The following EIF4E variants were observed in gnomAD, a reference collection of about 807,000 sequenced individuals.
The protein encoded by EIF4E is eukaryotic translation initiation factor 4E.
For synonymous variants in EIF4E, 71 were observed against 88.5 expected (o/e 0.80, Z 1.11); for missense variants, 113 against 265.6 (o/e 0.43, Z 3.99).
At chr4:98,895,645 G>T (rs908399125) in intron 2 of EIF4E, 3 of 152,158 alleles carry the variant, frequency 2.0e-5, no homozygotes, top group Admixed American at 6.5e-5. Context: ...TAAAAAAGAA[G>T]AAGAAAAGGC....
At chr4:98,907,839 A>G (rs1724941832) in intron 1 of EIF4E, among the ~76,000 whole-genome samples, 1 of 152,182 alleles carries the variant, frequency 6.6e-6, no homozygotes, top group African/African-American at 2.4e-5. Context: ...TTTCATCAAC[A>G]ATCCAAGAGT....
At chr4:98,896,685 A>G (rs1368149247) in intron 2 of EIF4E, among the ~76,000 whole-genome samples, 1 of 147,250 alleles carries the variant, frequency 6.8e-6, no homozygotes, top group East Asian at 2.0e-4. Flanking sequence ...AAAAAAAAAA[A>G]AAAAAAAAAA....
intron 2 of EIF4E, among the ~76,000 whole-genome samples, chr4:98,898,522 C>T (rs527674162): frequency 4.0e-5 from 6 of 151,462 alleles, no homozygotes; most frequent in Non-Finnish European, 5.9e-5. Context: ...GCAGAAGAAT[C>T]GCTTGAACCC....
intron 2 of EIF4E, among the ~76,000 whole-genome samples, chr4:98,891,777 T>C (rs1435852637): frequency 2.6e-5 from 4 of 152,210 alleles, no homozygotes; most frequent in African/African-American, 7.2e-5. Context: ...CACTTAAAAA[T>C]AGTTAATACT....
intron 1 of EIF4E, among the ~76,000 whole-genome samples, chr4:98,923,628 A>G (rs1725742747): frequency 6.6e-6 from 1 of 152,084 alleles, no homozygotes; most frequent in Non-Finnish European, 1.5e-5. Flanking sequence ...TTTTCTGGAG[A>G]CATGATTAGG....
In EIF4E at chr4:98,897,482, A is replaced by C. The variant is rs138932678; in HGVS notation, c.125+4394T>G. Among the ~76,000 whole-genome samples the C allele has an allele frequency of 4.1e-3, 624 of 152,132 alleles. 4 individuals are homozygous for C. The highest frequency in any genetic ancestry group is 0.014 in the African/African-American group (595 of 41,424). ...GCTACTTGGGAGGCAGACGCATGAG[A>C]ATGAACCCAGGAGGCGGAGGTTGCA... On this transcript the variant is annotated intron_variant, in intron 2 of 6. Transcript: ENST00000450253.
At chr4:98,896,312 C>A (rs1162489806) in intron 2 of EIF4E, among the ~76,000 whole-genome samples, 1 of 151,672 alleles carries the variant, frequency 6.6e-6, no homozygotes, top group East Asian at 1.9e-4. Context: ...TTCGAGGTTG[C>A]AGTGAGCTAT....
intron 2 of EIF4E, among the ~76,000 whole-genome samples, chr4:98,899,022 C>A: frequency 6.6e-6 from 1 of 150,494 alleles, no homozygotes. Context: ...TGAGGAAAAG[C>A]AGTATTTGCC....
At position 98,920,231 on chromosome 4, in the gene EIF4E, T is replaced by C. The variant is rs573418700; in HGVS notation, c.18+8864A>G. Among the ~76,000 whole-genome samples the C allele has an allele frequency of 3.9e-3, 600 of 152,348 alleles. 4 individuals are homozygous for C. Among genetic ancestry groups the C allele is most frequent in the South Asian group, 0.013 (62 of 4,830 alleles). ...ATGACTCATGCTAATTCAATCCTTG[T>C]TGTACTTCAGTATAAATTGGTTTCC... On this transcript the variant is annotated intron_variant, in intron 1 of 6. Coordinates refer to ENST00000450253, the MANE Select transcript of EIF4E (RefSeq NM_001968.5).
At chr4:98,928,608 G>A (rs1297302840) in intron 1 of EIF4E, among the ~76,000 whole-genome samples, 3 of 152,026 alleles carry the variant, frequency 2.0e-5, no homozygotes, top group African/African-American at 7.2e-5. Context: ...AGGAAGACGT[G>A]CGCGCGCCCC....
At chr4:98,920,855 A>C (rs548693675) in intron 1 of EIF4E, among the ~76,000 whole-genome samples, 2 of 152,296 alleles carry the variant, frequency 1.3e-5, no homozygotes, top group South Asian at 2.1e-4. Context: ...AGAATTTTAC[A>C]CTTATTTGTG....
chr4:98,909,351 T>G (rs1269844290), intron 1 of EIF4E, among the ~76,000 whole-genome samples: 1 of 152,370 alleles, frequency 6.6e-6, no homozygotes, highest in Admixed American at 6.5e-5. Context: ...TTCTGTTCCT[T>G]GTAGTATCTA....
At chr4:98,910,814 C>A (rs568629423) in intron 1 of EIF4E, among the ~76,000 whole-genome samples, 9 of 151,986 alleles carry the variant, frequency 5.9e-5, no homozygotes, top group Non-Finnish European at 8.8e-5. Context: ...ACTGCAACCT[C>A]CACCTCCTGG....
chr4:98,894,749 C>T (rs1342660810), intron 2 of EIF4E, among the ~76,000 whole-genome samples: 1 of 152,192 alleles, frequency 6.6e-6, no homozygotes, highest in Non-Finnish European at 1.5e-5. Context: ...GGAGGACTTT[C>T]GATCTCCTTC....
At chr4:98,919,023 A>G (rs553485796) in intron 1 of EIF4E, among the ~76,000 whole-genome samples, 1 of 152,236 alleles carries the variant, frequency 6.6e-6, no homozygotes, top group South Asian at 2.1e-4. Context: ...AAAACTAGTA[A>G]AAAGCCTGGG....
chr4:98,921,558 T>C (rs944968136), intron 1 of EIF4E, among the ~76,000 whole-genome samples: 2 of 151,988 alleles, frequency 1.3e-5, no homozygotes, highest in African/African-American at 4.8e-5. Flanking sequence ...TAGTAGAGAT[T>C]ACAATGACAG....
In EIF4E at chr4:98,909,943, C is replaced by A. The variant is rs143817795; in HGVS notation, c.19-7961G>T. 1,805 of 528,096 alleles carry A rather than the reference C, an allele frequency of 3.4e-3. 31 individuals are homozygous for A. Among genetic ancestry groups the A allele is most frequent in the African/African-American group, 0.031 (1,583 of 51,544 alleles). The allele number at this position is 528,096 out of a possible 1,614,324, so 32.7% of individuals were successfully genotyped here. On this transcript the variant is annotated intron_variant, in intron 1 of 6. Coordinates refer to ENST00000450253, the MANE Select transcript of EIF4E (RefSeq NM_001968.5). ...CCTCAGTTCTTTTCAACAAACCATGCATTTCCTCACAGCACCCTCAAATAT... is the reference window on the plus strand; with the variant it reads ...CCTCAGTTCTTTTCAACAAACCATGAATTTCCTCACAGCACCCTCAAATAT...
intron 1 of EIF4E, among the ~76,000 whole-genome samples, chr4:98,915,309 T>TA (rs750049777): frequency 3.8e-3 from 549 of 144,764 alleles, no homozygotes; most frequent in Non-Finnish European, 6.5e-3. Context: ...AGGATATGGT[T>TA]AAAAAAAAAA....
chr4:98,884,931 G>A lies in EIF4E; in HGVS notation c.530C>T (p.Thr177Ile). Reference protein sequence around the residue: ...TTECENREAVTHIGRVYKERL... With the variant: ...TTECENREAVIHIGRVYKERL... The stretch of plus-strand genomic sequence containing the variant: ...AAAGAGCAAAACTTACCCTATATGT[G>A]TAACAGCTTCTCTGTTTTCACATTC... Residue 177 changes from threonine to isoleucine, a missense_variant, in exon 6 of 7, where the codon ACA (threonine) becomes ATA (isoleucine). Transcript: ENST00000450253. 6.2e-7 allele frequency: 1 copy of A among 1,612,602 alleles called. No homozygotes were observed. The highest frequency in any genetic ancestry group is 8.5e-7 in the Non-Finnish European group (1 of 1,179,780).
Sources: allele counts gnomAD v4.1 joint callset (sites outside exome capture counted in the v4.1 genomes callset), GRCh38; gene constraint gnomAD v4.1.1; transcripts MANE v1.5; gene names NCBI Gene and HGNC (gene_info 2026-07-23, HGNC 2026-07-21).